The following STT3B variants were observed in gnomAD, a reference collection of about 807,000 sequenced individuals.
The protein encoded by STT3B is dolichyl-diphosphooligosaccharide--protein glycosyltransferase subunit STT3B.
STT3B carries 29 observed loss-of-function variants against 96.8 expected under a neutral mutation model. The observed-to-expected ratio is 0.30, with a 90% CI of 0.22 to 0.41. STT3B has a LOEUF of 0.41. STT3B is among the 10% of genes least tolerant of loss of function. STT3B has a pLI of 1.00. For missense variants in STT3B, 640 were observed against 1,022.3 expected (o/e 0.63, Z 5.10); for synonymous variants, 367 against 360.0 (o/e 1.02, Z -0.22).
intron 3 of STT3B, among the ~76,000 whole-genome samples, chr3:31,584,797 C>G (rs553239128): frequency 9.9e-5 from 15 of 152,206 alleles, no homozygotes; most frequent in African/African-American, 3.1e-4. Flanking sequence ...AAAATACTCT[C>G]TGACTCTTGA....
In STT3B at chr3:31,533,018, C is replaced by T. The variant is rs781154176; in HGVS notation, c.20C>T (p.Pro7Leu). Reference protein sequence around the residue: MAEPSAPESKHKSSLNS... With the variant: MAEPSALESKHKSSLNS... ...CACAACATGGCGGAGCCCTCGGCCC[C>T]GGAGAGCAAGCACAAGTCGTCCCTC... Residue 7 changes from proline (P) to leucine (L), a missense_variant, in exon 1 of 16, where the codon CCG (proline) becomes CTG (leucine). Coordinates refer to ENST00000295770, the MANE Select transcript of STT3B (RefSeq NM_178862.3). 5.7e-6 allele frequency: 9 copies of T among 1,589,024 alleles called. No homozygotes were observed. Among genetic ancestry groups the T allele is most frequent in the Admixed American group, 1.7e-5 (1 of 58,514 alleles).
chr3:31,583,194 T>C (rs543166572), intron 3 of STT3B, among the ~76,000 whole-genome samples: 1 of 152,324 alleles, frequency 6.6e-6, no homozygotes, highest in African/African-American at 2.4e-5. Context: ...TTTCTTCCTA[T>C]ATTTTGATGG....
intron 1 of STT3B, among the ~76,000 whole-genome samples, chr3:31,562,266 T>C: frequency 6.6e-6 from 1 of 152,108 alleles, no homozygotes; most frequent in East Asian, 1.9e-4. Flanking sequence ...GCTGGTATTG[T>C]GGTGGCTGCA....
intron 5 of STT3B, among the ~76,000 whole-genome samples, chr3:31,606,211 C>A (rs1312553066): frequency 1.3e-5 from 2 of 152,110 alleles, no homozygotes; most frequent in African/African-American, 4.8e-5. Flanking sequence ...CCTGACAATG[C>A]AATAGAAAAG....
At position 31,615,185 on chromosome 3, in the gene STT3B, G is replaced by T; in HGVS notation, c.958G>T (p.Glu320Ter). 2 of 1,609,118 alleles carry T rather than the reference G, an allele frequency of 1.2e-6. No individual in the cohort carries two copies. Among genetic ancestry groups the T allele is most frequent in the South Asian group, 2.2e-5 (2 of 90,650 alleles). ...FVGFQPIRTS[E>*]HMAAAGVFAL... Reference sequence around the variant, plus strand: ...GGGATTCCAGCCAATCAGAACAAGTGAACACATGGCAGCTGCAGGTATGAA... The same window carrying T: ...GGGATTCCAGCCAATCAGAACAAGTTAACACATGGCAGCTGCAGGTATGAA... The change falls in exon 6 of 16, where the codon GAA (glutamate) becomes TAA (stop). Residue 320 changes from glutamate (E) to a stop codon, truncating the protein, a stop_gained. Transcript: ENST00000295770. LOFTEE classifies it high-confidence loss of function.
chr3:31,597,042 A>G (rs1234414100), intron 4 of STT3B, among the ~76,000 whole-genome samples, 179 bp downstream of exon 4: 1 of 152,186 alleles, frequency 6.6e-6, no homozygotes, highest in Non-Finnish European at 1.5e-5. Context: ...GGAGAGGGCT[A>G]ACATTTAACC....
intron 1 of STT3B, among the ~76,000 whole-genome samples, chr3:31,537,010 C>T (rs182956848): frequency 9.2e-4 from 140 of 152,244 alleles, no homozygotes; most frequent in Non-Finnish European, 1.6e-3. Flanking sequence ...GCTCTTTTTT[C>T]CCTGCCTTAG....
chr3:31,552,616 C>T (rs570880703), intron 1 of STT3B, among the ~76,000 whole-genome samples: 20 of 152,196 alleles, frequency 1.3e-4, no homozygotes, highest in Middle Eastern at 3.4e-3. Context: ...TTAACCCTTA[C>T]GAGTGTTCTT....
At position 31,636,637 on chromosome 3, in the gene STT3B, T is replaced by C. The variant is rs982524658; in HGVS notation, c.*573T>C. 6.6e-6 allele frequency: 1 copy of C among 152,228 alleles called. No individual in the cohort carries two copies. Among genetic ancestry groups the C allele is most frequent in the African/African-American group, 2.4e-5 (1 of 41,470 alleles). The allele number at this position is 152,228 out of a possible 1,614,324, so 9.4% of individuals were successfully genotyped here. A position where few individuals can be genotyped will look rare whatever the true frequency, so the allele number is the denominator to read the frequency against. Reference sequence around the variant, plus strand: ...ATTTTCTGTTGCTTACTGTTTGCTCTGAGAAGAAGCTGCTGTTTCAAAGAT... The same window carrying C: ...ATTTTCTGTTGCTTACTGTTTGCTCCGAGAAGAAGCTGCTGTTTCAAAGAT... On this transcript the variant is annotated 3_prime_UTR_variant, in exon 16 of 16. Transcript: ENST00000295770.
At chr3:31,533,745 TTC>T (rs1178998522) in intron 1 of STT3B, 1 of 153,768 alleles carries the variant, frequency 6.5e-6, no homozygotes, top group African/African-American at 2.4e-5. Flanking sequence ...TGCTTTCGCG[TTC>T]TTTCATATTT....
intron 1 of STT3B, among the ~76,000 whole-genome samples, chr3:31,542,608 A>G (rs967461579): frequency 6.6e-6 from 1 of 152,204 alleles, no homozygotes; most frequent in Non-Finnish European, 1.5e-5. Context: ...TCCCATCTTC[A>G]CAAAATCCCA....
At position 31,619,817 on chromosome 3, in the gene STT3B, T is replaced by C. The variant is rs1699387144; in HGVS notation, c.1314T>C (p.Asp438=). The change falls in exon 9 of 16, where the codon GAT becomes GAC. Residue 438 remains aspartate (D), a synonymous_variant. Transcript: ENST00000295770. ...GLWFCIKNIN[D]ERVFVALYAI... is the part of the protein sequence containing the mutation. ...GGTTCTGCATCAAAAATATCAACGA[T>C]GAAAGAGTATTTGGTAAGAGAGGTT... 3 of 1,611,190 alleles carry C rather than the reference T, an allele frequency of 1.9e-6. No individual in the cohort carries two copies. The highest frequency in any genetic ancestry group is 1.7e-5 in the Admixed American group (1 of 59,518).
At chr3:31,540,487 C>T (rs535946553) in intron 1 of STT3B, among the ~76,000 whole-genome samples, 1 of 152,100 alleles carries the variant, frequency 6.6e-6, no homozygotes, top group South Asian at 2.1e-4. Context: ...TCATGCCTTA[C>T]AGATTTATTA....
chr3:31,591,329 A>G (rs1368596877), intron 3 of STT3B, among the ~76,000 whole-genome samples: 1 of 152,088 alleles, frequency 6.6e-6, no homozygotes, highest in Admixed American at 6.6e-5. Context: ...AAATCAAACT[A>G]TTTGTATCTC....
intron 5 of STT3B, among the ~76,000 whole-genome samples, chr3:31,601,400 A>G (rs1399223178): frequency 6.6e-6 from 1 of 152,238 alleles, no homozygotes; most frequent in African/African-American, 2.4e-5. Flanking sequence ...TATATGCTAC[A>G]ACATGAACCT....
At chr3:31,534,404 C>T (rs1697033034) in intron 1 of STT3B, among the ~76,000 whole-genome samples, 1 of 152,084 alleles carries the variant, frequency 6.6e-6, no homozygotes, top group African/African-American at 2.4e-5. Context: ...AGGATTTTTC[C>T]CCCTGAGTTA....
chr3:31,581,394 A>G (rs908397634), intron 3 of STT3B, among the ~76,000 whole-genome samples: 1 of 152,212 alleles, frequency 6.6e-6, no homozygotes, highest in Admixed American at 6.5e-5. Context: ...ACACTTGTGT[A>G]TGTTTCAAAT....
chr3:31,547,569 C>G (rs1370383455), intron 1 of STT3B, among the ~76,000 whole-genome samples: 2 of 152,106 alleles, frequency 1.3e-5, no homozygotes, highest in African/African-American at 4.8e-5. Flanking sequence ...TTGCATGAAC[C>G]CTGGAGGCGG....
intron 1 of STT3B, among the ~76,000 whole-genome samples, chr3:31,541,620 G>T (rs189655317): frequency 3.3e-5 from 5 of 151,678 alleles, no homozygotes; most frequent in African/African-American, 9.7e-5. Context: ...TCTGTTGCCC[G>T]GGCTGGATTG....
Sources: gnomAD v4.1 joint callset for allele counts (sites outside exome capture counted in the v4.1 genomes callset) on GRCh38, gnomAD v4.1.1 for gene constraint, MANE v1.5 for transcripts, NCBI Gene and HGNC (gene_info 2026-07-23, HGNC 2026-07-21) for gene names.